CDH7: variants seen among roughly 807,000 people sequenced by gnomAD.
CDH7 encodes the protein cadherin-7.
In CDH7, 25 loss-of-function variants were observed where a neutral mutation model predicts 71.8. The observed-to-expected ratio is 0.35, with a 90% CI of 0.25 to 0.49. The LOEUF (loss-of-function observed/expected upper bound fraction) is 0.49, where lower values mean the gene tolerates loss of function less well. Among genes scored for constraint, CDH7 ranks in the 20% least tolerant of loss-of-function variants. The pLI, the probability that CDH7 is intolerant of heterozygous loss-of-function variation, is 0.99. For missense variants in CDH7, 862 were observed against 974.6 expected (o/e 0.88, Z 1.54); for synonymous variants, 381 against 363.8 (o/e 1.05, Z -0.54).
intron 2 of CDH7, among the ~76,000 whole-genome samples, chr18:65,788,246 C>A (rs1245401886): frequency 3.3e-5 from 5 of 152,116 alleles, no homozygotes; most frequent in Admixed American, 3.3e-4. Flanking sequence ...CAAGGACACA[C>A]CACTAAAATT....
intron 6 of CDH7, 96 bp from the exon 7 acceptor site, chr18:65,843,716 G>A (rs1912818717): frequency 8.8e-7 from 1 of 1,133,346 alleles, no homozygotes; most frequent in South Asian, 1.9e-5. Flanking sequence ...ACATGACAGA[G>A]TCCTTCCTAA....
intron 4 of CDH7, among the ~76,000 whole-genome samples, chr18:65,818,607 C>G (rs1416236498): frequency 1.3e-5 from 2 of 152,092 alleles, no homozygotes; most frequent in Admixed American, 6.5e-5. Flanking sequence ...ATATTGGTCA[C>G]AAGTATCACT....
chr18:65,813,929 G>A (rs573804538), intron 3 of CDH7, among the ~76,000 whole-genome samples: 3 of 152,022 alleles, frequency 2.0e-5, no homozygotes, highest in Admixed American at 2.0e-4. Context: ...AGATCAATTG[G>A]CAGAGAAAAT....
intron 1 of CDH7, among the ~76,000 whole-genome samples, chr18:65,759,743 G>A (rs2032217): frequency 0.37 from 56,949 of 151,942 alleles, 11,378 homozygotes; most frequent in African/African-American, 0.51. Flanking sequence ...ATCCAAGGTC[G>A]TACAAAGTGG....
At chr18:65,819,497 C>T (rs1219706413) in intron 4 of CDH7, among the ~76,000 whole-genome samples, 1 of 152,088 alleles carries the variant, frequency 6.6e-6, no homozygotes, top group East Asian at 1.9e-4. Context: ...TATCACTTAC[C>T]TCTTGATATA....
chr18:65,835,129 T>G (rs1599038998), intron 6 of CDH7, among the ~76,000 whole-genome samples: 1 of 152,090 alleles, frequency 6.6e-6, no homozygotes, highest in East Asian at 1.9e-4. Context: ...CATCATCCCA[T>G]GGGCTACCTG....
intron 4 of CDH7, among the ~76,000 whole-genome samples, chr18:65,816,434 T>A (rs1173608906): frequency 6.6e-6 from 1 of 152,202 alleles, no homozygotes; most frequent in East Asian, 1.9e-4. Context: ...TTTCCTGATG[T>A]CTGTCTGATT....
Position 65,762,990 on chromosome 18 carries a change from G to C in CDH7, c.148G>C (p.Val50Leu). 6.2e-7 allele frequency: 1 copy of C among 1,613,660 alleles called. No individual in the cohort carries two copies. Residue 50 changes from valine to leucine, a missense_variant, in exon 2 of 12, where the codon GTG (valine) becomes CTG (leucine). Transcript: ENST00000397968. ...SGRSRTKRSW[V>L]WNQFFVLEEY... The stretch of plus-strand genomic sequence containing the variant: ...GAGGTCCCGGACCAAGCGCAGCTGG[G>C]TGTGGAATCAGTTCTTTGTGCTGGA...
At chr18:65,810,458 G>T (rs1253810143) in intron 3 of CDH7, among the ~76,000 whole-genome samples, 1 of 152,110 alleles carries the variant, frequency 6.6e-6, no homozygotes, top group Non-Finnish European at 1.5e-5. Context: ...GGCTATCCAG[G>T]CTAATATTTG....
At chr18:65,802,072 A>G (rs938952753) in intron 2 of CDH7, among the ~76,000 whole-genome samples, 19 of 152,166 alleles carry the variant, frequency 1.2e-4, no homozygotes, top group African/African-American at 4.3e-4. Flanking sequence ...GTCATCTCTA[A>G]TGTTATGACA....
At chr18:65,797,447 T>G (rs1910958524) in intron 2 of CDH7, among the ~76,000 whole-genome samples, 1 of 152,198 alleles carries the variant, frequency 6.6e-6, no homozygotes. Flanking sequence ...GAAGTTTCTC[T>G]GGTTGCAGAG....
At chr18:65,838,977 A>G (rs1177240464) in intron 6 of CDH7, among the ~76,000 whole-genome samples, 1 of 152,188 alleles carries the variant, frequency 6.6e-6, no homozygotes, top group Non-Finnish European at 1.5e-5. Flanking sequence ...TTATACAGTG[A>G]TTATTTTGTG....
In CDH7 at chr18:65,762,760, A is replaced by C; in HGVS notation, c.-83A>C. 3.8e-5 allele frequency: 44 copies of C among 1,151,760 alleles called. No homozygotes were observed. Among genetic ancestry groups the C allele is most frequent in the Non-Finnish European group, 5.1e-5 (42 of 816,018 alleles). 71.3% of individuals were successfully genotyped at this position (1,151,760 alleles called of 1,614,324 possible). ...CCCAGCTGACACCCTGCCGGAGGCA[A>C]GAGCTACTAAGCCAACTGGAACTGT... On this transcript the variant is annotated 5_prime_UTR_variant, in exon 2 of 12. Coordinates refer to ENST00000397968, the MANE Select transcript of CDH7 (RefSeq NM_004361.5).
chr18:65,760,780 G>A (rs959755085), intron 1 of CDH7, among the ~76,000 whole-genome samples: 6 of 152,076 alleles, frequency 3.9e-5, no homozygotes, highest in African/African-American at 1.4e-4. Context: ...CATTCCTACT[G>A]AAGACCACTC....
intron 2 of CDH7, among the ~76,000 whole-genome samples, chr18:65,769,933 G>T (rs1024532163): frequency 3.9e-5 from 6 of 152,068 alleles, no homozygotes; most frequent in Non-Finnish European, 8.8e-5. Context: ...TGTCTGCCAG[G>T]TTCCTTCACG....
At position 65,862,893 on chromosome 18, in the gene CDH7, C is replaced by G. The variant is rs757798684; in HGVS notation, c.1840C>G (p.Leu614Val). The change falls in exon 11 of 12, where the codon CTC (leucine) becomes GTC (valine). Residue 614 changes from leucine to valine, a missense_variant. Transcript: ENST00000397968. ...GLSTGALIAILACVLTLLVLI... is the reference protein window; with the variant it reads ...GLSTGALIAIVACVLTLLVLI... The stretch of plus-strand genomic sequence containing the variant: ...CAGTACAGGAGCCCTGATAGCCATA[C>G]TCGCCTGTGTCTTGACATTATTGGG... 1.2e-5 allele frequency: 20 copies of G among 1,614,212 alleles called. No individual in the cohort carries two copies. In the East Asian group the frequency reaches 4.5e-4, roughly 36 times the overall value.
At chr18:65,865,514 T>TAAAACA (rs1345713394) in intron 11 of CDH7, 1 of 152,106 alleles carries the variant, frequency 6.6e-6, no homozygotes, top group Non-Finnish European at 1.5e-5. Context: ...AAACCGTAAG[T>TAAAACA]AAAACAAAGT....
intron 7 of CDH7, among the ~76,000 whole-genome samples, chr18:65,853,838 A>G (rs752193389): frequency 8.9e-5 from 13 of 145,854 alleles, no homozygotes; most frequent in Non-Finnish European, 2.0e-4. Flanking sequence ...GCAGGTGCTC[A>G]AGAGTAATTG....
At chr18:65,868,387 A>C (rs964744822) in intron 11 of CDH7, among the ~76,000 whole-genome samples, 11 of 152,236 alleles carry the variant, frequency 7.2e-5, no homozygotes, top group African/African-American at 1.9e-4. Flanking sequence ...GAAATACACA[A>C]AAAGTTACAG....
Sources: gnomAD v4.1 joint callset for allele counts (sites outside exome capture counted in the v4.1 genomes callset) on GRCh38, gnomAD v4.1.1 for gene constraint, MANE v1.5 for transcripts, NCBI Gene and HGNC (gene_info 2026-07-23, HGNC 2026-07-21) for gene names.